The following SCIN variants were observed in gnomAD, a reference collection of about 807,000 sequenced individuals.
The protein encoded by SCIN is scinderin, also known as adseverin.
Under a neutral mutation model 91.8 loss-of-function variants are expected in SCIN, and 91 were observed. That is an observed-to-expected ratio of 0.99 (90% CI 0.84 to 1.18). The LOEUF (loss-of-function observed/expected upper bound fraction) is 1.18. SCIN is among the 50% of genes most tolerant of loss of function. SCIN has a pLI of 0.00. For missense variants in SCIN, 1,087 were observed against 863.9 expected (o/e 1.26, Z -3.24); for synonymous variants, 367 against 312.6 (o/e 1.17, Z -1.84).
chr7:12,639,215 C>T (rs1783810253), intron 10 of SCIN, among the ~76,000 whole-genome samples: 1 of 152,162 alleles, frequency 6.6e-6, no homozygotes, highest in Admixed American at 6.5e-5. Context: ...CTCTTTCTCT[C>T]ATGTTGGCAA....
In SCIN at chr7:12,604,592, T is replaced by C; in HGVS notation, c.595T>C (p.Tyr199His). The change falls in exon 4 of 16, where the codon TAC (tyrosine) becomes CAC (histidine). Residue 199 changes from tyrosine to histidine, a missense_variant. By Grantham distance (83) the Tyr-to-His change is moderately conservative. Coordinates refer to ENST00000297029, the MANE Select transcript of SCIN (RefSeq NM_001112706.3). ...KANQVATGIR[Y>H]NERKGRSELI... ...AAACCAGGTAGCTACTGGCATTCGG[T>C]ACAATGAAAGGAAAGGAAGGTCTGA... The C allele has an allele frequency of 6.4e-7, 1 of 1,552,024 alleles. No individual in the cohort carries two copies. Among genetic ancestry groups the C allele is most frequent in the Non-Finnish European group, 8.7e-7 (1 of 1,147,034 alleles).
intron 1 of SCIN, among the ~76,000 whole-genome samples, chr7:12,571,946 T>C (rs1224458202): frequency 1.3e-5 from 2 of 152,172 alleles, no homozygotes; most frequent in Admixed American, 1.3e-4. Context: ...TGAGCCTTTT[T>C]GCCTTCTTTT....
rs1783532958 is a variant in SCIN, at chr7:12,626,741, G to C, written c.1139G>C (p.Ser380Thr). The change falls in exon 8 of 16, where the codon AGT becomes ACT. Residue 380 changes from serine to threonine, a missense_variant. Physicochemically the swap from Ser to Thr is moderately conservative, Grantham distance 58. Coordinates refer to ENST00000297029, the MANE Select transcript of SCIN (RefSeq NM_001112706.3). ...CCCTTTGATGCCTCAAAATTACACA[G>C]TTCTCCGCAGATGGCAGCCCAGCAC... ...QIPFDASKLH[S>T]SPQMAAQHNM... is the part of the protein sequence containing the mutation. The C allele has an allele frequency of 1.2e-6, 2 of 1,610,148 alleles. No individual in the cohort carries two copies. Among genetic ancestry groups the C allele is most frequent in the South Asian group, 1.1e-5 (1 of 90,056 alleles).
In SCIN at chr7:12,652,809, T is replaced by C; in HGVS notation, c.*94T>C. The C allele has an allele frequency of 6.6e-7, 1 of 1,512,430 alleles. No individual in the cohort carries two copies. Among genetic ancestry groups the C allele is most frequent in the South Asian group, 1.2e-5 (1 of 82,002 alleles). The allele number at this position is 1,512,430 out of a possible 1,614,324, so 93.7% of individuals were successfully genotyped here. ...GGGAAAAGCTTTTTGCTTATTTGTC[T>C]TTTGAAAATTAAGGCTGGGCGCGGT... On this transcript the variant is annotated 3_prime_UTR_variant, in exon 16 of 16. Transcript: ENST00000297029.
rs1784195931 is a variant in SCIN at position 12,657,665 on chromosome 7, A to T, written c.*4950A>T. 6.9e-6 allele frequency: 1 copy of T among 145,000 alleles called. No homozygotes were observed. The highest frequency in any genetic ancestry group is 2.1e-4 in the East Asian group (1 of 4,864). The allele number at this position is 145,000 out of a possible 1,614,324, so 9.0% of individuals were successfully genotyped here. On this transcript the variant is annotated 3_prime_UTR_variant, in exon 16 of 16. Transcript: ENST00000297029. ...GTATAATGCAATCAGTGGAAGACAA[A>T]TCAGAGGTATTATTTTCCCTTGGGC...
chr7:12,580,974 G>A, intron 2 of SCIN, 86 bp from the exon 3 acceptor site: 1 of 1,372,008 alleles, frequency 7.3e-7, no homozygotes, highest in Non-Finnish European at 9.9e-7. Flanking sequence ...AACACCAGCA[G>A]TATTATTGTG....
intron 4 of SCIN, 98 bp downstream of exon 4, chr7:12,604,761 AG>A (rs1191621027): frequency 4.9e-6 from 5 of 1,026,426 alleles, no homozygotes; most frequent in Non-Finnish European, 5.5e-6. Flanking sequence ...GTGGGGAAGA[AG>A]GGGAAAGAGA....
intron 3 of SCIN, among the ~76,000 whole-genome samples, chr7:12,585,728 T>C (rs964167977): frequency 2.0e-5 from 3 of 152,212 alleles, no homozygotes; most frequent in African/African-American, 4.8e-5. Flanking sequence ...TTCCACCTTC[T>C]AATTATCTCT....
Position 12,578,047 on chromosome 7 carries a change from G to A in SCIN, c.200-17G>A, listed in dbSNP as rs1204121096. 6.6e-6 allele frequency: 10 copies of A among 1,525,418 alleles called. No homozygotes were observed. The highest frequency in any genetic ancestry group is 1.7e-4 in the Middle Eastern group (1 of 5,862). 94.5% of individuals were successfully genotyped at this position (1,525,418 alleles called of 1,614,324 possible). A position where few individuals can be genotyped will look rare whatever the true frequency, so the allele number is the denominator to read the frequency against. Reference sequence around the variant, plus strand: ...TCTCTTGCTTGATAATTGAGGTGCTGTTGTTCACTGTTTTAGGAAAGGAGT... The same window carrying A: ...TCTCTTGCTTGATAATTGAGGTGCTATTGTTCACTGTTTTAGGAAAGGAGT... On this transcript the variant is annotated splice_polypyrimidine_tract_variant and intron_variant, in intron 1 of 15. Coordinates refer to ENST00000297029, the MANE Select transcript of SCIN (RefSeq NM_001112706.3).
chr7:12,614,937 G>C (rs1318586629), intron 4 of SCIN, among the ~76,000 whole-genome samples: 1 of 152,184 alleles, frequency 6.6e-6, no homozygotes, highest in Non-Finnish European at 1.5e-5. Flanking sequence ...GATATGGGCA[G>C]AGCACCAATA....
At chr7:12,645,245 G>T (rs928230479) in intron 13 of SCIN, among the ~76,000 whole-genome samples, 2 of 152,016 alleles carry the variant, frequency 1.3e-5, no homozygotes, top group Non-Finnish European at 2.9e-5. Context: ...CTTGAACCCA[G>T]GAGGCGGAGG....
rs898599295 is a variant in SCIN at position 12,654,148 on chromosome 7, T to G, written c.*1433T>G. 1 of 152,154 alleles carries G rather than the reference T, an allele frequency of 6.6e-6. No homozygotes were observed. Among genetic ancestry groups the G allele is most frequent in the Non-Finnish European group, 1.5e-5 (1 of 68,022 alleles). 9.4% of individuals were successfully genotyped at this position (152,154 alleles called of 1,614,324 possible). Reference sequence around the variant, plus strand: ...GATGAACAATGTAGGGTCCAACAATTCATCCCACATGAATTTTTCTCATCC... The same window carrying G: ...GATGAACAATGTAGGGTCCAACAATGCATCCCACATGAATTTTTCTCATCC... On this transcript the variant is annotated 3_prime_UTR_variant, in exon 16 of 16. Transcript: ENST00000297029.
intron 4 of SCIN, among the ~76,000 whole-genome samples, chr7:12,618,662 T>G (rs849799): frequency 6.6e-6 from 1 of 152,060 alleles, no homozygotes; most frequent in Non-Finnish European, 1.5e-5. Context: ...ATATTTGTCT[T>G]ACCTAAGGCA....
At chr7:12,646,295 T>G (rs953567404) in intron 13 of SCIN, among the ~76,000 whole-genome samples, 1 of 152,220 alleles carries the variant, frequency 6.6e-6, no homozygotes, top group Non-Finnish European at 1.5e-5. Context: ...AGTCCAAGAT[T>G]AAGGCAACAG....
chr7:12,636,629 G>A (rs1783758147), intron 10 of SCIN, among the ~76,000 whole-genome samples: 1 of 152,144 alleles, frequency 6.6e-6, no homozygotes, highest in South Asian at 2.1e-4. Flanking sequence ...ATTACTGGGT[G>A]GGCCTAGCGT....
chr7:12,574,840 T>C (rs79584732), intron 1 of SCIN, among the ~76,000 whole-genome samples: 5,645 of 152,240 alleles, frequency 0.037, 374 homozygotes, highest in African/African-American at 0.13. Flanking sequence ...CCTCACTATA[T>C]AAATTTTGCA....
At chr7:12,627,928 C>T (rs1783561570) in intron 8 of SCIN, among the ~76,000 whole-genome samples, 1 of 152,228 alleles carries the variant, frequency 6.6e-6, no homozygotes, top group East Asian at 1.9e-4. Context: ...TATGGGGTGG[C>T]CTCTCTCTAG....
At chr7:12,595,208 G>T (rs1014698709) in intron 3 of SCIN, among the ~76,000 whole-genome samples, 2 of 152,136 alleles carry the variant, frequency 1.3e-5, no homozygotes, top group African/African-American at 4.8e-5. Context: ...AGGAGGCAGC[G>T]CTGAGCTTAC....
At chr7:12,600,125 T>C (rs1015597512) in intron 3 of SCIN, among the ~76,000 whole-genome samples, 1 of 152,244 alleles carries the variant, frequency 6.6e-6, no homozygotes, top group Non-Finnish European at 1.5e-5. Context: ...TGTTATCTTC[T>C]AGAATCTTTA....
Sources: gnomAD v4.1 joint callset for allele counts (sites outside exome capture counted in the v4.1 genomes callset) on GRCh38, gnomAD v4.1.1 for gene constraint, MANE v1.5 for transcripts, NCBI Gene and HGNC (gene_info 2026-07-23, HGNC 2026-07-21) for gene names.